The following PTPRN2 variants were observed in gnomAD, a reference collection of about 807,000 sequenced individuals.
The protein encoded by PTPRN2 is protein tyrosine phosphatase receptor type N2.
In PTPRN2, 74 loss-of-function variants were observed where a neutral mutation model predicts 118.8. The observed-to-expected ratio is 0.62, with a 90% CI of 0.52 to 0.76. The LOEUF is 0.76. PTPRN2 is among the 30% of genes least tolerant of loss of function. PTPRN2 has a pLI of 0.00. For missense variants in PTPRN2, 1,481 were observed against 1,394.4 expected, an observed-to-expected ratio of 1.06 and a Z score of -0.99; for synonymous variants, 641 against 608.0, an observed-to-expected ratio of 1.05 and a Z score of -0.80.
intron 3 of PTPRN2, among the ~76,000 whole-genome samples, chr7:158,303,349 G>A (rs978751372): frequency 4.6e-5 from 7 of 152,126 alleles, no homozygotes; most frequent in South Asian, 2.1e-4. Context: ...CTGTGATTCC[G>A]TCTCTTTAAT....
At chr7:157,659,399 G>T (rs1300472638) in intron 13 of PTPRN2, among the ~76,000 whole-genome samples, 1 of 108,332 alleles carries the variant, frequency 9.2e-6, no homozygotes, top group Non-Finnish European at 1.9e-5. Context: ...GGGATGGGGG[G>T]GATGGCTGGG....
intron 5 of PTPRN2, among the ~76,000 whole-genome samples, chr7:158,187,859 C>T (rs998655686): frequency 2.0e-5 from 3 of 152,132 alleles, no homozygotes; most frequent in African/African-American, 7.2e-5. Context: ...ACTGTGAGGC[C>T]GACCATCGTG....
intron 2 of PTPRN2, among the ~76,000 whole-genome samples, chr7:158,348,849 C>T (rs1173797322): frequency 1.3e-5 from 2 of 152,154 alleles, no homozygotes; most frequent in Non-Finnish European, 2.9e-5. Context: ...CAGGAGGAGG[C>T]AGTGCTGAGG....
At chr7:157,717,703 G>T (rs1203184012) in intron 12 of PTPRN2, among the ~76,000 whole-genome samples, 1 of 152,266 alleles carries the variant, frequency 6.6e-6, no homozygotes, top group Non-Finnish European at 1.5e-5. Flanking sequence ...GCTCCTTGCT[G>T]CAGGACCGCT....
intron 10 of PTPRN2, among the ~76,000 whole-genome samples, chr7:158,107,598 G>A (rs1815789202): frequency 6.6e-6 from 1 of 152,152 alleles, no homozygotes; most frequent in Non-Finnish European, 1.5e-5. Context: ...CTACTTGCCT[G>A]TTTCCATGGG....
chr7:158,122,255 C>T lies in PTPRN2; in HGVS notation c.1557-11340G>A, dbSNP rs551993502. Among the ~76,000 whole-genome samples the T allele has an allele frequency of 1.5e-4, 23 of 152,306 alleles. 1 individual carries two copies. The South Asian group carries it at 4.8e-3, about 32-fold the overall frequency. ...TCTAGAGTCTTTCAGTTCTGAAGGA[C>T]AGTGGCAAGTTTGTGACGTCTCTAA... On this transcript the variant is annotated intron_variant, in intron 9 of 22. Coordinates refer to ENST00000389418, the MANE Select transcript of PTPRN2 (RefSeq NM_002847.5).
chr7:158,582,545 C>T (rs1387470500), intron 1 of PTPRN2, among the ~76,000 whole-genome samples: 3 of 151,094 alleles, frequency 2.0e-5, no homozygotes, highest in Non-Finnish European at 2.9e-5. Flanking sequence ...ATAGCAAGAC[C>T]GTCCTCTCTC....
chr7:158,370,490 C>T (rs1425852214), intron 2 of PTPRN2, among the ~76,000 whole-genome samples: 1 of 149,688 alleles, frequency 6.7e-6, no homozygotes, highest in African/African-American at 2.5e-5. Context: ...CAGTGGCTCA[C>T]GCCTGTAATC....
intron 3 of PTPRN2, among the ~76,000 whole-genome samples, chr7:158,249,131 C>T: frequency 6.6e-6 from 1 of 151,220 alleles, no homozygotes; most frequent in African/African-American, 2.4e-5. Context: ...GCCACACACA[C>T]CACACGTGAA....
In PTPRN2 at chr7:157,903,884, G is replaced by A. The variant is rs1797609499; in HGVS notation, c.1724-5147C>T. ...GATTTCCATGCACGCTTCACAAGCA[G>A]CTGTGAGGACCACGTGGGAGCCTCT... On this transcript the variant is annotated intron_variant, in intron 11 of 22. Transcript: ENST00000389418. The surrounding 1 kb of genome is among the most constrained non-coding windows in gnomAD (Gnocchi z 4.2). Among the ~76,000 whole-genome samples, 1 of 152,184 alleles carries A rather than the reference G, an allele frequency of 6.6e-6. No homozygotes were observed. Among genetic ancestry groups the A allele is most frequent in the Admixed American group, 6.5e-5 (1 of 15,290 alleles).
chr7:158,376,991 T>C (rs13228406), intron 2 of PTPRN2, among the ~76,000 whole-genome samples: 1 of 94,628 alleles, frequency 1.1e-5, no homozygotes, highest in African/African-American at 4.2e-5. Flanking sequence ...CAGGGGACTC[T>C]CCCACAGCCC....
chr7:157,565,535 C>T (rs558030068), intron 21 of PTPRN2, among the ~76,000 whole-genome samples: 8 of 152,318 alleles, frequency 5.3e-5, no homozygotes, highest in Admixed American at 1.3e-4. Context: ...GTGGGAATGC[C>T]GTGGAAGTTT....
intron 2 of PTPRN2, among the ~76,000 whole-genome samples, chr7:158,366,590 C>T (rs1399688217): frequency 6.6e-6 from 1 of 152,206 alleles, no homozygotes; most frequent in East Asian, 1.9e-4. Context: ...CTTGTTTCCC[C>T]GAACGCAGAG....
Position 157,776,511 on chromosome 7 carries a change from C to T in PTPRN2, c.1789-93574G>A, listed in dbSNP as rs202001424. ...CCTCTCCTTCTCCCTCTCCTCCTCC[C>T]TCTCCTTCTCCCTCTCCTCTCTCTC... On this transcript the variant is annotated intron_variant, in intron 12 of 22. Transcript: ENST00000389418. 3.4e-3 allele frequency among the ~76,000 whole-genome samples: 224 copies of T among 65,204 alleles called. No homozygotes were observed. The Middle Eastern group carries it at 0.037, about 11-fold the overall frequency. The allele number at this position is 65,204 out of a possible 152,430, so 42.8% of individuals were successfully genotyped here.
intron 1 of PTPRN2, among the ~76,000 whole-genome samples, chr7:158,528,918 C>T (rs1825000532): frequency 6.6e-6 from 1 of 152,130 alleles, no homozygotes; most frequent in Non-Finnish European, 1.5e-5. Context: ...ATTTCCTACA[C>T]AGCCTGAGTC....
At chr7:158,208,661 TC>T (rs1415212607) in intron 3 of PTPRN2, among the ~76,000 whole-genome samples, 1 of 152,176 alleles carries the variant, frequency 6.6e-6, no homozygotes, top group East Asian at 1.9e-4. Context: ...AGGGATTTCT[TC>T]CGTCTGAAAT....
intron 22 of PTPRN2, 68 bp downstream of exon 22, chr7:157,548,878 T>TTGGACGGGG: frequency 6.8e-7 from 1 of 1,479,452 alleles, no homozygotes; most frequent in Non-Finnish European, 9.5e-7. Flanking sequence ...CCCGTGCTCC[T>TTGGACGGGG]CTCAGGAACA....
chr7:158,047,762 C>A (rs1270324209), intron 11 of PTPRN2, among the ~76,000 whole-genome samples: 1 of 152,228 alleles, frequency 6.6e-6, no homozygotes, highest in Admixed American at 6.5e-5. Context: ...GAGGTCCATT[C>A]TGCAAAGGAG....
At chr7:157,736,652 G>A (rs901985116) in intron 12 of PTPRN2, among the ~76,000 whole-genome samples, 2 of 148,916 alleles carry the variant, frequency 1.3e-5, no homozygotes, top group Admixed American at 1.3e-4. Flanking sequence ...ACGGCCACCC[G>A]TGATGACTTA....
Sources: gnomAD v4.1 joint callset for allele counts (sites outside exome capture counted in the v4.1 genomes callset) on GRCh38, gnomAD v4.1.1 for gene constraint, Gnocchi (gnomAD v3.1) non-coding constraint, MANE v1.5 for transcripts, NCBI Gene and HGNC (gene_info 2026-07-23, HGNC 2026-07-21) for gene names.